The following MIA2 variants were observed in gnomAD, a reference collection of about 807,000 sequenced individuals.
MIA2 encodes the protein MIA SH3 domain ER export factor 2, also known as melanoma inhibitory activity protein 2.
Under a neutral mutation model 167.8 loss-of-function variants are expected in MIA2, and 127 were observed. The ratio of observed to expected loss-of-function variants is 0.76; its 90% CI spans 0.66 to 0.88. The LOEUF is 0.88. MIA2 is among the 40% of genes least tolerant of loss of function. The pLI is 0.00. For missense variants in MIA2, 1,690 were observed against 1,624.7 expected, an observed-to-expected ratio of 1.04 and a Z score of -0.69; for synonymous variants, 552 against 541.9, an observed-to-expected ratio of 1.02 and a Z score of -0.26.
At position 39,269,297 on chromosome 14, in the gene MIA2, A is replaced by C. The variant is rs73277418; in HGVS notation, c.1888-7637A>C. Among the ~76,000 whole-genome samples, 442 of 151,876 alleles carry C rather than the reference A, an allele frequency of 2.9e-3. 2 individuals are homozygous for C. The highest frequency in any genetic ancestry group is 9.9e-3 in the African/African-American group (412 of 41,412). ...GCAACTGTCAGCACAGTTCCTCAAC[A>C]TTTTTATTACCCCAGAAAATAAACT... On this transcript the variant is annotated intron_variant, in intron 6 of 28. Transcript: ENST00000640607.
At chr14:39,298,724 T>C (rs2061902977) in intron 13 of MIA2, among the ~76,000 whole-genome samples, 5 of 151,486 alleles carry the variant, frequency 3.3e-5, no homozygotes, top group Admixed American at 2.0e-4. Flanking sequence ...GCCTATTTTT[T>C]CTTATTGACA....
At chr14:39,251,846 A>G (rs1368729541) in intron 4 of MIA2, among the ~76,000 whole-genome samples, 1 of 152,188 alleles carries the variant, frequency 6.6e-6, no homozygotes, top group Non-Finnish European at 1.5e-5. Context: ...CAATTCACTT[A>G]CTACTCTTTA....
In MIA2 at chr14:39,272,458, C is replaced by T. The variant is rs528288550; in HGVS notation, c.1888-4476C>T. On this transcript the variant is annotated intron_variant, in intron 6 of 28. Transcript: ENST00000640607. ...TGGGCCAAACAAGAAGGCAAGTTCT[C>T]AATCTGGTCCAAGGATTTAACTTGT... 2.6e-5 allele frequency among the ~76,000 whole-genome samples: 4 copies of T among 152,328 alleles called. No individual in the cohort carries two copies. In the South Asian group the frequency reaches 6.2e-4, roughly 24 times the overall value.
At chr14:39,306,840 G>A (rs1595400091) in intron 17 of MIA2, among the ~76,000 whole-genome samples, 1 of 152,198 alleles carries the variant, frequency 6.6e-6, no homozygotes, top group East Asian at 1.9e-4. Context: ...TAATGTTAGA[G>A]TTGTTCAGAG....
intron 21 of MIA2, among the ~76,000 whole-genome samples, chr14:39,316,483 G>T (rs1245862360): frequency 6.6e-6 from 1 of 152,180 alleles, no homozygotes; most frequent in Non-Finnish European, 1.5e-5. Context: ...TAGGGTTATT[G>T]TGATGATTAA....
chr14:39,357,205 C>G (rs1249695498), intron 23 of MIA2, among the ~76,000 whole-genome samples: 1 of 152,150 alleles, frequency 6.6e-6, no homozygotes, highest in Non-Finnish European at 1.5e-5. Flanking sequence ...TTGTAGGTCT[C>G]TAAGGACTTG....
At chr14:39,336,554 T>C (rs2070457725) in intron 25 of MIA2, among the ~76,000 whole-genome samples, 1 of 152,208 alleles carries the variant, frequency 6.6e-6, no homozygotes, top group Admixed American at 6.5e-5. Flanking sequence ...TGAAGCATAG[T>C]ATGTGTACAA....
At position 39,348,718 on chromosome 14, in the gene MIA2, A is replaced by G. The variant is rs775746891; in HGVS notation, c.3838-25A>G. The G allele has an allele frequency of 4.0e-5, 64 of 1,611,334 alleles. No individual in the cohort carries two copies. The South Asian group carries it at 6.8e-4, about 17-fold the overall frequency. On this transcript the variant is annotated intron_variant, in intron 27 of 28. Transcript: ENST00000640607. ...TGATTGCAAATTTACTGTTTTAGTG[A>G]CTGCCATATGTCAATTTGTTGTAGA...
intron 17 of MIA2, among the ~76,000 whole-genome samples, chr14:39,306,933 A>G (rs1471243498): frequency 2.0e-5 from 3 of 152,160 alleles, no homozygotes; most frequent in African/African-American, 7.2e-5. Context: ...ATTGATGCAT[A>G]AATTATAAAG....
chr14:39,313,396 T>C lies in MIA2; in HGVS notation c.3074T>C (p.Val1025Ala), dbSNP rs2064712970. 2 of 1,604,102 alleles carry C rather than the reference T, an allele frequency of 1.2e-6. No homozygotes were observed. Among genetic ancestry groups the C allele is most frequent in the Non-Finnish European group, 1.7e-6 (2 of 1,175,634 alleles). ...GAGAAAGAAGAGAAACTTTCTAAAGTAGATGAAAAGATCAGCCATGCCACT... is the reference window on the plus strand; with the variant it reads ...GAGAAAGAAGAGAAACTTTCTAAAGCAGATGAAAAGATCAGCCATGCCACT... Reference protein sequence around the residue: ...RLEKEEKLSKVDEKISHATEE... With the variant: ...RLEKEEKLSKADEKISHATEE... Residue 1025 changes from valine to alanine, a missense_variant, in exon 19 of 29, where the codon GTA (valine) becomes GCA (alanine). Transcript: ENST00000640607.
chr14:39,383,630 C>T (rs2075213052), intron 23 of MIA2, among the ~76,000 whole-genome samples: 1 of 152,170 alleles, frequency 6.6e-6, no homozygotes, highest in African/African-American at 2.4e-5. Context: ...CCTCTTGTGC[C>T]AAACAGCCAA....
At chr14:39,281,400 T>A (rs1476319592) in intron 9 of MIA2, among the ~76,000 whole-genome samples, 1 of 152,156 alleles carries the variant, frequency 6.6e-6, no homozygotes, top group Non-Finnish European at 1.5e-5. Flanking sequence ...CACTTCAGTC[T>A]AGACATAATC....
chr14:39,293,246 T>C (rs754949384), intron 10 of MIA2, 25 bp from the exon 11 acceptor site: 5 of 1,457,276 alleles, frequency 3.4e-6, no homozygotes. Flanking sequence ...TATATCTGTT[T>C]AATAAAGTTG....
intron 23 of MIA2, among the ~76,000 whole-genome samples, chr14:39,359,220 G>A (rs2074614590): frequency 6.6e-6 from 1 of 152,212 alleles, no homozygotes; most frequent in African/African-American, 2.4e-5. Flanking sequence ...CTTCCAAGCA[G>A]GTTTGTTTAC....
intron 26 of MIA2, among the ~76,000 whole-genome samples, chr14:39,347,352 G>A (rs1187894463): frequency 6.6e-6 from 1 of 152,096 alleles, no homozygotes; most frequent in Non-Finnish European, 1.5e-5. Context: ...GGAGGAATAA[G>A]GACGGAAGGA....
chr14:39,240,304 A>G (rs957849799), intron 2 of MIA2, among the ~76,000 whole-genome samples: 2 of 152,226 alleles, frequency 1.3e-5, no homozygotes, highest in African/African-American at 4.8e-5. Flanking sequence ...GAATAAAATG[A>G]GTAAGTGGAA....
intron 23 of MIA2, among the ~76,000 whole-genome samples, chr14:39,361,082 G>A (rs912527674): frequency 6.6e-6 from 1 of 152,180 alleles, no homozygotes; most frequent in African/African-American, 2.4e-5. Flanking sequence ...GTCAGATAAT[G>A]TGATGCCCCC....
At chr14:39,292,520 T>A in intron 10 of MIA2, among the ~76,000 whole-genome samples, 1 of 152,228 alleles carries the variant, frequency 6.6e-6, no homozygotes, top group East Asian at 1.9e-4. Context: ...TAGAGTAATT[T>A]TCATTCGGGT....
intron 18 of MIA2, among the ~76,000 whole-genome samples, chr14:39,309,432 C>T (rs2063855203): frequency 6.6e-6 from 1 of 152,182 alleles, no homozygotes; most frequent in Non-Finnish European, 1.5e-5. Context: ...TACCCTCCAT[C>T]CAGCACTGGC....
Sources: gnomAD v4.1 joint callset for allele counts (sites outside exome capture counted in the v4.1 genomes callset) on GRCh38, gnomAD v4.1.1 for gene constraint, MANE v1.5 for transcripts, NCBI Gene and HGNC (gene_info 2026-07-23, HGNC 2026-07-21) for gene names.